TCF4: variants seen among roughly 807,000 people sequenced by gnomAD.
TCF4 encodes SL3-3 enhancer factor 2.
TCF4 carries 3 observed loss-of-function variants against 82.1 expected under a neutral mutation model. That is an observed-to-expected ratio of 0.04 (90% CI 0.02 to 0.09). The LOEUF is 0.09. TCF4 is among the 10% of genes least tolerant of loss of function. TCF4 has a pLI of 1.00. For synonymous variants in TCF4, 276 were observed against 309.6 expected (o/e 0.89, Z 1.14); for missense variants, 518 against 852.7 (o/e 0.61, Z 4.89).
At chr18:55,574,240 G>A (rs1483493735) in intron 3 of TCF4, among the ~76,000 whole-genome samples, 4 of 152,148 alleles carry the variant, frequency 2.6e-5, no homozygotes, top group East Asian at 3.8e-4. Flanking sequence ...TAGGATTTCC[G>A]TTTCAGTTAG....
At chr18:55,370,835 G>C (rs777057048) in intron 6 of TCF4, among the ~76,000 whole-genome samples, 23 of 152,208 alleles carry the variant, frequency 1.5e-4, no homozygotes, top group Non-Finnish European at 3.1e-4. Context: ...AGTAAGTAGG[G>C]AAATAATGAA....
chr18:55,424,174 T>C (rs145793519), intron 5 of TCF4, among the ~76,000 whole-genome samples: 1 of 152,312 alleles, frequency 6.6e-6, no homozygotes, highest in African/African-American at 2.4e-5. Context: ...GACAAAGTCA[T>C]GATTAGATGG....
intron 15 of TCF4, among the ~76,000 whole-genome samples, chr18:55,243,588 TTTTGTTTG>T (rs59538396): frequency 2.0e-5 from 3 of 151,450 alleles, no homozygotes; most frequent in Non-Finnish European, 4.4e-5. Context: ...CCAACTCGTT[TTTTGTTTG>T]TTTGTTTGTT....
chr18:55,451,837 C>T (rs2095630048), intron 5 of TCF4, among the ~76,000 whole-genome samples: 1 of 152,008 alleles, frequency 6.6e-6, no homozygotes, highest in South Asian at 2.1e-4. Flanking sequence ...AACCATCTTC[C>T]CAAGGAAAGA....
intron 3 of TCF4, among the ~76,000 whole-genome samples, chr18:55,563,684 G>A (rs756185111): frequency 1.3e-5 from 2 of 152,192 alleles, no homozygotes; most frequent in Non-Finnish European, 2.9e-5. Context: ...TCAGTGACTC[G>A]GGGATAACTA....
intron 8 of TCF4, among the ~76,000 whole-genome samples, chr18:55,334,323 A>G (rs2078189895): frequency 6.6e-6 from 1 of 152,182 alleles, no homozygotes; most frequent in Non-Finnish European, 1.5e-5. Context: ...TAAATAACAT[A>G]TAAGTCTTGT....
At chr18:55,621,265 G>T (rs531906652) in intron 2 of TCF4, among the ~76,000 whole-genome samples, 5 of 150,512 alleles carry the variant, frequency 3.3e-5, no homozygotes, top group African/African-American at 9.8e-5. Flanking sequence ...AATAGTATCT[G>T]CAGTGCTATT....
intron 3 of TCF4, among the ~76,000 whole-genome samples, chr18:55,475,080 A>T (rs913736943): frequency 1.3e-5 from 2 of 152,188 alleles, no homozygotes; most frequent in African/African-American, 4.8e-5. Flanking sequence ...AAAATCAGAA[A>T]ATATACTGTG....
At chr18:55,401,805 A>C in intron 6 of TCF4, 1 of 985,038 alleles carries the variant, frequency 1.0e-6, no homozygotes, top group African/African-American at 1.7e-5. Context: ...TACAGGGGTG[A>C]GGAAGCCTAT....
intron 3 of TCF4, among the ~76,000 whole-genome samples, chr18:55,549,745 G>C (rs376342647): frequency 4.3e-4 from 65 of 151,858 alleles, no homozygotes; most frequent in African/African-American, 1.5e-3. Context: ...TTTTTTCCTG[G>C]AAGTAGAATG....
At chr18:55,519,398 C>T (rs929558874) in intron 3 of TCF4, among the ~76,000 whole-genome samples, 11 of 148,558 alleles carry the variant, frequency 7.4e-5, no homozygotes, top group African/African-American at 2.7e-4. Flanking sequence ...GGTACCACTG[C>T]ACTTCAGCAT....
At chr18:55,369,400 G>A (rs528815225) in intron 6 of TCF4, among the ~76,000 whole-genome samples, 1 of 152,288 alleles carries the variant, frequency 6.6e-6, no homozygotes, top group African/African-American at 2.4e-5. Flanking sequence ...TCAAGCAGAT[G>A]GTCAGAGAAA....
chr18:55,511,312 T>C (rs1376641443), intron 3 of TCF4, among the ~76,000 whole-genome samples: 3 of 112,598 alleles, frequency 2.7e-5, no homozygotes, highest in African/African-American at 7.2e-5. Flanking sequence ...ATGTAGGTAA[T>C]AGAGTAATTC....
intron 3 of TCF4, among the ~76,000 whole-genome samples, chr18:55,580,014 T>C (rs1327992134): frequency 6.6e-6 from 1 of 152,028 alleles, no homozygotes; most frequent in African/African-American, 2.4e-5. Flanking sequence ...TGTTCATCTG[T>C]TATTTAAGTG....
intron 6 of TCF4, among the ~76,000 whole-genome samples, chr18:55,357,457 C>T (rs1377643511): frequency 3.3e-5 from 5 of 152,090 alleles, no homozygotes; most frequent in Admixed American, 1.3e-4. Flanking sequence ...CACTACTTGC[C>T]TTAAAAATGT....
intron 5 of TCF4, among the ~76,000 whole-genome samples, chr18:55,438,298 A>G (rs2095371257): frequency 6.6e-6 from 1 of 150,614 alleles, no homozygotes; most frequent in African/African-American, 2.5e-5. Context: ...CTCATTAGTC[A>G]CTCAGCCATT....
chr18:55,403,524 AAG>A lies in TCF4; in HGVS notation c.305-8_305-7del. The A allele has an allele frequency of 6.2e-7, 1 of 1,613,834 alleles. No individual in the cohort carries two copies. Among genetic ancestry groups the A allele is most frequent in the Non-Finnish European group, 8.5e-7 (1 of 1,179,818 alleles). ...TGAGCCCCTTTCTGTTTTACCTGCC[AAG>A]AGAAACGACAAAAAAGTGTAAATTG... On this transcript the variant is annotated splice_polypyrimidine_tract_variant and splice_region_variant and intron_variant, in intron 5 of 19. Transcript: ENST00000354452.
chr18:55,596,779 T>C (rs1421926880), intron 2 of TCF4, among the ~76,000 whole-genome samples: 1 of 152,210 alleles, frequency 6.6e-6, no homozygotes, highest in Admixed American at 6.5e-5. Context: ...TACAAAAGTC[T>C]TGTTTCAGCT....
At chr18:55,322,564 C>T (rs1327920768) in intron 8 of TCF4, among the ~76,000 whole-genome samples, 1 of 152,198 alleles carries the variant, frequency 6.6e-6, no homozygotes, top group African/African-American at 2.4e-5. Flanking sequence ...GTGCGGCCCG[C>T]CCCGGGCTCC....
Sources: allele counts gnomAD v4.1 joint callset (sites outside exome capture counted in the v4.1 genomes callset), GRCh38; gene constraint gnomAD v4.1.1; transcripts MANE v1.5; gene names NCBI Gene and HGNC (gene_info 2026-07-23, HGNC 2026-07-21).